PRDM6: variants seen among roughly 807,000 people sequenced by gnomAD.
The protein encoded by PRDM6 is PR/SET domain 6.
Under a neutral mutation model 60.8 loss-of-function variants are expected in PRDM6, and 25 were observed. The observed-to-expected ratio is 0.41, with a 90% CI of 0.30 to 0.57. PRDM6 has a LOEUF of 0.57. Among genes scored for constraint, PRDM6 ranks in the 20% least tolerant of loss-of-function variants. PRDM6 has a pLI of 0.27. For missense variants in PRDM6, 839 were observed against 821.3 expected, an observed-to-expected ratio of 1.02 and a Z score of -0.26; for synonymous variants, 407 against 357.4, an observed-to-expected ratio of 1.14 and a Z score of -1.57.
intron 3 of PRDM6, among the ~76,000 whole-genome samples, chr5:123,143,178 T>C (rs1451220837): frequency 1.3e-5 from 2 of 150,828 alleles, no homozygotes; most frequent in African/African-American, 4.9e-5. Context: ...TGTGTGTGTG[T>C]ATGTGGGTGT....
At chr5:123,096,702 AG>A (rs1477613522) in intron 2 of PRDM6, among the ~76,000 whole-genome samples, 3 of 152,206 alleles carry the variant, frequency 2.0e-5, no homozygotes, top group Admixed American at 6.5e-5. Flanking sequence ...AGATATTGGG[AG>A]AGCCTCAGTT....
intron 7 of PRDM6, among the ~76,000 whole-genome samples, chr5:123,181,185 C>CA (rs1766151049): frequency 6.6e-6 from 1 of 152,168 alleles, no homozygotes; most frequent in Admixed American, 6.5e-5. Flanking sequence ...CTGGTAGGTA[C>CA]AAGAGATACA....
At chr5:123,119,850 G>A (rs552184851) in intron 3 of PRDM6, among the ~76,000 whole-genome samples, 6 of 152,142 alleles carry the variant, frequency 3.9e-5, no homozygotes, top group Middle Eastern at 3.4e-3. Context: ...CTAAGTAGAC[G>A]CATTTTTTAA....
At chr5:123,110,978 C>T (rs1238210677) in intron 3 of PRDM6, among the ~76,000 whole-genome samples, 2 of 152,028 alleles carry the variant, frequency 1.3e-5, no homozygotes, top group Non-Finnish European at 2.9e-5. Flanking sequence ...ATATCTGTGC[C>T]CCATGATCTG....
At chr5:123,113,345 AT>A (rs1340275564) in intron 3 of PRDM6, among the ~76,000 whole-genome samples, 5 of 152,226 alleles carry the variant, frequency 3.3e-5, no homozygotes, top group African/African-American at 1.2e-4. Context: ...GCATTTAAAA[AT>A]TCTCTTTATC....
chr5:123,089,517 C>G lies in PRDM6; in HGVS notation c.-18C>G, dbSNP rs902869049. 1 of 156,772 alleles carries G rather than the reference C, an allele frequency of 6.4e-6. No individual in the cohort carries two copies. The highest frequency in any genetic ancestry group is 2.4e-5 in the African/African-American group (1 of 41,540). 9.7% of individuals were successfully genotyped at this position (156,772 alleles called of 1,614,324 possible). A position where few individuals can be genotyped will look rare whatever the true frequency, so the allele number is the denominator to read the frequency against. On this transcript the variant is annotated splice_region_variant and 5_prime_UTR_variant, in exon 1 of 8. Coordinates refer to ENST00000407847, the MANE Select transcript of PRDM6 (RefSeq NM_001136239.4). ...GCACCCACCGGCAGCACCGAGTTTTCAGGTAAGGTGAGGCTGGTCTGGGAC... is the reference window on the plus strand; with the variant it reads ...GCACCCACCGGCAGCACCGAGTTTTGAGGTAAGGTGAGGCTGGTCTGGGAC...
Position 123,188,195 on chromosome 5 carries a change from C to G in PRDM6, c.*994C>G, listed in dbSNP as rs1766332808. On this transcript the variant is annotated 3_prime_UTR_variant, in exon 8 of 8. Transcript: ENST00000407847. ...TCCTCTTGCAGATGAACCCCAGGAGCCCCCTTTCCTCTCTCCTGAGTGTGG... is the reference window on the plus strand; with the variant it reads ...TCCTCTTGCAGATGAACCCCAGGAGGCCCCTTTCCTCTCTCCTGAGTGTGG... The G allele has an allele frequency of 6.6e-6, 1 of 152,084 alleles. No homozygotes were observed. The highest frequency in any genetic ancestry group is 2.1e-4 in the South Asian group (1 of 4,826). 9.4% of individuals were successfully genotyped at this position (152,084 alleles called of 1,614,324 possible).
intron 3 of PRDM6, among the ~76,000 whole-genome samples, chr5:123,137,097 G>C (rs393761): frequency 6.6e-6 from 1 of 152,126 alleles, no homozygotes; most frequent in Non-Finnish European, 1.5e-5. Context: ...GCATCCTTCA[G>C]ACTGTCCCTG....
At chr5:123,109,784 A>G (rs929195135) in intron 3 of PRDM6, among the ~76,000 whole-genome samples, 4 of 152,204 alleles carry the variant, frequency 2.6e-5, no homozygotes, top group African/African-American at 9.6e-5. Context: ...AAATCCTCAC[A>G]ACAAAGAACC....
At chr5:123,094,504 C>T (rs1487978727) in intron 2 of PRDM6, among the ~76,000 whole-genome samples, 2 of 152,132 alleles carry the variant, frequency 1.3e-5, no homozygotes, top group East Asian at 3.9e-4. Context: ...CATGATTTAG[C>T]TATTTTACAT....
At chr5:123,169,241 A>G (rs779364700) in intron 5 of PRDM6, among the ~76,000 whole-genome samples, 1 of 152,246 alleles carries the variant, frequency 6.6e-6, no homozygotes, top group Non-Finnish European at 1.5e-5. Context: ...TTTTAAGCCT[A>G]TTAGGTTCTA....
At chr5:123,149,484 G>C (rs536098676) in intron 3 of PRDM6, among the ~76,000 whole-genome samples, 1 of 152,194 alleles carries the variant, frequency 6.6e-6, no homozygotes, top group East Asian at 1.9e-4. Context: ...AGAGATATTG[G>C]GATATTGGGG....
intron 3 of PRDM6, among the ~76,000 whole-genome samples, chr5:123,127,466 C>G (rs149933903): frequency 5.3e-5 from 8 of 152,202 alleles, no homozygotes; most frequent in African/African-American, 1.9e-4. Context: ...TAAATTCAGT[C>G]TCTGTGTGTA....
At position 123,186,455 on chromosome 5, in the gene PRDM6, G is replaced by A. The variant is rs940330712; in HGVS notation, c.1674-632G>A. On this transcript the variant is annotated intron_variant, in intron 7 of 7. Transcript: ENST00000407847. ...ATCAGACACACTGCCCTTAATTCTA[G>A]CCCATAGGTACATCCTTTCCACTGT... Among the ~76,000 whole-genome samples, 13 of 152,250 alleles carry A rather than the reference G, an allele frequency of 8.5e-5. No homozygotes were observed. In the East Asian group the frequency reaches 2.5e-3, roughly 29 times the overall value.
chr5:123,142,895 A>AAC (rs1561848471), intron 3 of PRDM6, among the ~76,000 whole-genome samples: 2 of 149,096 alleles, frequency 1.3e-5, no homozygotes, highest in Non-Finnish European at 3.0e-5. Flanking sequence ...AAAAAAAAAA[A>AAC]AAAAAAACAA....
intron 3 of PRDM6, among the ~76,000 whole-genome samples, chr5:123,122,966 G>A (rs1389313458): frequency 1.3e-5 from 2 of 152,104 alleles, no homozygotes; most frequent in Non-Finnish European, 2.9e-5. Flanking sequence ...TTTTCCCCTG[G>A]AATGGAAATC....
rs140897146 is a variant in PRDM6, at chr5:123,155,023, G to A, written c.901-861G>A. On this transcript the variant is annotated intron_variant, in intron 3 of 7. Transcript: ENST00000407847. ...TCTGAAGTCGTTTCTGGAAAGGCAAGCTGTTGCCTCTGCTGTTGGCACTGA... is the reference window on the plus strand; with the variant it reads ...TCTGAAGTCGTTTCTGGAAAGGCAAACTGTTGCCTCTGCTGTTGGCACTGA... Among the ~76,000 whole-genome samples the A allele has an allele frequency of 6.8e-3, 1,033 of 152,262 alleles. 14 individuals carry two copies. The highest frequency in any genetic ancestry group is 0.024 in the African/African-American group (993 of 41,548).
chr5:123,098,362 TG>T (rs1764007626), intron 2 of PRDM6, among the ~76,000 whole-genome samples: 1 of 152,224 alleles, frequency 6.6e-6, no homozygotes, highest in Non-Finnish European at 1.5e-5. Flanking sequence ...TCAGGGAAGC[TG>T]GGCCAAGGAG....
intron 3 of PRDM6, among the ~76,000 whole-genome samples, chr5:123,119,566 T>A (rs1177240584): frequency 6.6e-6 from 1 of 152,142 alleles, no homozygotes; most frequent in Non-Finnish European, 1.5e-5. Flanking sequence ...CTCTTGGAAT[T>A]AGAGGAATGC....
Sources: gnomAD v4.1 joint callset for allele counts (sites outside exome capture counted in the v4.1 genomes callset) on GRCh38, gnomAD v4.1.1 for gene constraint, MANE v1.5 for transcripts, NCBI Gene and HGNC (gene_info 2026-07-23, HGNC 2026-07-21) for gene names.